Variants in ZNF644 observed in about 807,000 individuals in gnomAD.
The protein encoded by ZNF644 is zinc finger motif enhancer binding protein 2.
In ZNF644, 20 loss-of-function variants were observed where a neutral mutation model predicts 108.0. The ratio of observed to expected loss-of-function variants is 0.19; its 90% CI spans 0.13 to 0.27. The LOEUF (loss-of-function observed/expected upper bound fraction) is 0.27. ZNF644 is among the 10% of genes least tolerant of loss of function. The probability of loss-of-function intolerance (pLI) is 1.00; values close to 1 mark genes in which losing one functional copy is unlikely to be tolerated. For synonymous variants in ZNF644, 542 were observed against 539.1 expected, an observed-to-expected ratio of 1.01 and a Z score of -0.08; for missense variants, 1,338 against 1,548.9, an observed-to-expected ratio of 0.86 and a Z score of 2.29.
Position 90,916,792 on chromosome 1 carries a change from C to T in ZNF644, c.*6G>A, listed in dbSNP as rs779248405. On this transcript the variant is annotated 3_prime_UTR_variant, in exon 6 of 6. Coordinates refer to ENST00000337393, the MANE Select transcript of ZNF644 (RefSeq NM_201269.3). ...TCAAACTGGCTATTTAAAAGGTTTC[C>T]TGGTTCTATGAAGCTGCTTCGGCCA... 6.2e-7 allele frequency: 1 copy of T among 1,613,948 alleles called. No individual in the cohort carries two copies. Among genetic ancestry groups the T allele is most frequent in the East Asian group, 2.2e-5 (1 of 44,880 alleles).
At chr1:90,935,279 G>T in intron 4 of ZNF644, 1 of 715,042 alleles carries the variant, frequency 1.4e-6, no homozygotes, top group Non-Finnish European at 1.7e-6. Flanking sequence ...GAAATTCAAT[G>T]GGTATTCAGA....
At chr1:90,962,735 C>G (rs1654457335) in intron 2 of ZNF644, among the ~76,000 whole-genome samples, 1 of 152,054 alleles carries the variant, frequency 6.6e-6, no homozygotes, top group Non-Finnish European at 1.5e-5. Context: ...GACCAGAGTA[C>G]TCCACTCACT....
chr1:90,944,441 T>C (rs147318970), intron 2 of ZNF644, among the ~76,000 whole-genome samples: 1,935 of 152,260 alleles, frequency 0.013, 71 homozygotes, highest in Admixed American at 0.085. Flanking sequence ...TGTTAAAATA[T>C]AAAATGAAGT....
At position 90,938,587 on chromosome 1, in the gene ZNF644, C is replaced by G; in HGVS notation, c.2767G>C (p.Asp923His). ...NDGFYFEYYEDTGSNNFLHEI... is the reference protein window; with the variant it reads ...NDGFYFEYYEHTGSNNFLHEI... ...TGCAAAAAGTTGTTACTTCCAGTAT[C>G]TTCATAGTATTCAAAATAAAAGCCA... The change falls in exon 3 of 6, where the codon GAT becomes CAT. Residue 923 changes from aspartate (D) to histidine (H), a missense_variant. Asp to His is a moderately conservative substitution (Grantham distance 81). Coordinates refer to ENST00000337393, the MANE Select transcript of ZNF644 (RefSeq NM_201269.3). The surrounding 1 kb of genome is among the most constrained non-coding windows in gnomAD (Gnocchi z 4.2). The G allele has an allele frequency of 6.2e-7, 1 of 1,613,420 alleles. No homozygotes were observed. Among genetic ancestry groups the G allele is most frequent in the Non-Finnish European group, 8.5e-7 (1 of 1,179,648 alleles).
intron 1 of ZNF644, among the ~76,000 whole-genome samples, chr1:91,003,166 C>T (rs1268315563): frequency 1.3e-5 from 2 of 152,064 alleles, no homozygotes; most frequent in African/African-American, 4.8e-5. Flanking sequence ...TTTGACCCAG[C>T]CATCCCATTA....
At chr1:90,991,140 C>T (rs1356061815) in intron 1 of ZNF644, among the ~76,000 whole-genome samples, 13 of 152,286 alleles carry the variant, frequency 8.5e-5, no homozygotes, top group Non-Finnish European at 1.3e-4. Flanking sequence ...TGAAGCAGCA[C>T]TTCGGCAACA....
Position 90,916,676 on chromosome 1 carries a change from A to G in ZNF644, c.*122T>C. On this transcript the variant is annotated 3_prime_UTR_variant, in exon 6 of 6. Coordinates refer to ENST00000337393, the MANE Select transcript of ZNF644 (RefSeq NM_201269.3). ...TTCAATTTGCTCTGATGTCACTGTA[A>G]TTCACTTTCCCCCCATTTTCCTGCT... is the stretch of plus-strand genomic sequence containing the variant. 9.4e-7 allele frequency: 1 copy of G among 1,064,250 alleles called. No individual in the cohort carries two copies. The highest frequency in any genetic ancestry group is 1.4e-6 in the Non-Finnish European group (1 of 709,258). 65.9% of individuals were successfully genotyped at this position (1,064,250 alleles called of 1,614,324 possible).
At chr1:90,959,024 T>G (rs754758865) in intron 2 of ZNF644, among the ~76,000 whole-genome samples, 1 of 152,120 alleles carries the variant, frequency 6.6e-6, no homozygotes, top group Non-Finnish European at 1.5e-5. Context: ...TTGAATATAT[T>G]TGAAATATAT....
At chr1:90,962,179 T>C (rs1328416905) in intron 2 of ZNF644, among the ~76,000 whole-genome samples, 1 of 151,996 alleles carries the variant, frequency 6.6e-6, no homozygotes, top group East Asian at 1.9e-4. Context: ...ATAACTGATA[T>C]GAATAAAAAT....
At chr1:90,930,001 TCTGGG>T (rs149271945) in intron 4 of ZNF644, among the ~76,000 whole-genome samples, 1,808 of 152,264 alleles carry the variant, frequency 0.012, 36 homozygotes, top group African/African-American at 0.042. Context: ...AAGAAAGTGT[TCTGGG>T]CTGGGTGCAG....
chr1:91,009,851 T>G (rs984486490), intron 1 of ZNF644, among the ~76,000 whole-genome samples: 1 of 152,232 alleles, frequency 6.6e-6, no homozygotes, highest in African/African-American at 2.4e-5. Flanking sequence ...TCCATTTATT[T>G]TGAATACCAG....
At chr1:91,003,933 A>C (rs1318570899) in intron 1 of ZNF644, among the ~76,000 whole-genome samples, 3 of 152,170 alleles carry the variant, frequency 2.0e-5, no homozygotes, top group Non-Finnish European at 4.4e-5. Context: ...TGTAGAATTG[A>C]AAAGCACAAT....
chr1:90,984,685 G>A (rs1018144306), intron 1 of ZNF644, among the ~76,000 whole-genome samples: 2 of 152,100 alleles, frequency 1.3e-5, no homozygotes, highest in East Asian at 1.9e-4. Context: ...GAGCCACCAC[G>A]CCCAGCCTGA....
chr1:90,948,590 G>T (rs1652753106), intron 2 of ZNF644, among the ~76,000 whole-genome samples: 1 of 152,206 alleles, frequency 6.6e-6, no homozygotes, highest in Non-Finnish European at 1.5e-5. Flanking sequence ...CTCCTTAAAT[G>T]TAGGTTTCAC....
At chr1:90,987,614 T>A (rs1474144370) in intron 1 of ZNF644, among the ~76,000 whole-genome samples, 1 of 151,952 alleles carries the variant, frequency 6.6e-6, no homozygotes, top group Non-Finnish European at 1.5e-5. Flanking sequence ...AAATAAGAAT[T>A]AACACCAATC....
Position 90,916,750 on chromosome 1 carries a change from T to A in ZNF644, c.*48A>T. ...TAATGTGGCTTAAAAAAAAAGAATT[T>A]CAAATTTACATCCAATTCAAACTGG... On this transcript the variant is annotated 3_prime_UTR_variant, in exon 6 of 6. Transcript: ENST00000337393. The A allele has an allele frequency of 6.2e-7, 1 of 1,603,670 alleles. No individual in the cohort carries two copies. Among genetic ancestry groups the A allele is most frequent in the Middle Eastern group, 2.0e-4 (1 of 5,038 alleles).
chr1:90,939,296 T>A lies in ZNF644; in HGVS notation c.2058A>T (p.Lys686Asn). 2 of 1,614,112 alleles carry A rather than the reference T, an allele frequency of 1.2e-6. No homozygotes were observed. Among genetic ancestry groups the A allele is most frequent in the Non-Finnish European group, 1.7e-6 (2 of 1,179,968 alleles). ...KIHKRPHRIQ[K>N]ARKSIAQSGV... Reference sequence around the variant, plus strand: ...CTGATTGGGCAATGCTTTTCCGAGCTTTCTGTATTCTGTGTGGCCGCTTAT... The same window carrying A: ...CTGATTGGGCAATGCTTTTCCGAGCATTCTGTATTCTGTGTGGCCGCTTAT... The change falls in exon 3 of 6, where the codon AAA becomes AAT. Residue 686 changes from lysine to asparagine, a missense_variant. Lys to Asn is a moderately conservative substitution (Grantham distance 94, BLOSUM62 0). Coordinates refer to ENST00000337393, the MANE Select transcript of ZNF644 (RefSeq NM_201269.3).
chr1:90,923,347 A>G (rs1343618262), intron 4 of ZNF644, among the ~76,000 whole-genome samples: 1 of 152,142 alleles, frequency 6.6e-6, no homozygotes, highest in Non-Finnish European at 1.5e-5. Flanking sequence ...GGCCCATTCA[A>G]AAAAGGAAAA....
intron 1 of ZNF644, among the ~76,000 whole-genome samples, chr1:90,998,347 G>C (rs1438998957): frequency 6.6e-6 from 1 of 152,196 alleles, no homozygotes; most frequent in Non-Finnish European, 1.5e-5. Context: ...CTGAGACAAA[G>C]CTTCCAGAGA....
Sources: allele counts gnomAD v4.1 joint callset (sites outside exome capture counted in the v4.1 genomes callset), GRCh38; gene constraint gnomAD v4.1.1; non-coding constraint Gnocchi (gnomAD v3.1); transcripts MANE v1.5; gene names NCBI Gene and HGNC (gene_info 2026-07-23, HGNC 2026-07-21).